MITF: variants seen among roughly 807,000 people sequenced by gnomAD.
The protein encoded by MITF is melanocyte inducing transcription factor.
In MITF, 17 loss-of-function variants were observed where a neutral mutation model predicts 60.5. The observed-to-expected ratio is 0.28, with a 90% CI of 0.19 to 0.42. MITF has a LOEUF of 0.42. Among genes scored for constraint, MITF ranks in the 10% least tolerant of loss-of-function variants. The pLI, the probability that MITF is intolerant of heterozygous loss-of-function variation, is 1.00. For synonymous variants in MITF, 260 were observed against 248.5 expected, an observed-to-expected ratio of 1.05 and a Z score of -0.43; for missense variants, 622 against 683.5, an observed-to-expected ratio of 0.91 and a Z score of 1.00.
intron 2 of MITF, among the ~76,000 whole-genome samples, chr3:69,889,871 C>T (rs1408106327): frequency 6.6e-6 from 1 of 152,112 alleles, no homozygotes; most frequent in East Asian, 1.9e-4. Context: ...GAACAAGCCA[C>T]ATTTCCAGTG....
intron 1 of MITF, among the ~76,000 whole-genome samples, chr3:69,808,735 C>G (rs1312077652): frequency 1.3e-5 from 2 of 152,058 alleles, no homozygotes; most frequent in East Asian, 1.9e-4. Context: ...CATGCAGGAC[C>G]TTGACCTCCC....
intron 1 of MITF, among the ~76,000 whole-genome samples, chr3:69,849,385 G>A (rs1007517637): frequency 3.3e-5 from 5 of 152,170 alleles, no homozygotes; most frequent in Admixed American, 1.3e-4. Flanking sequence ...TGCCATGTTC[G>A]TATCAGGCTC....
intron 1 of MITF, among the ~76,000 whole-genome samples, chr3:69,832,266 C>T (rs889583874): frequency 2.8e-4 from 42 of 152,164 alleles, no homozygotes; most frequent in African/African-American, 9.2e-4. Context: ...TATACCCCCA[C>T]TTAACATCTT....
At chr3:69,767,346 G>A (rs954109187) in intron 1 of MITF, among the ~76,000 whole-genome samples, 2 of 152,150 alleles carry the variant, frequency 1.3e-5, no homozygotes, top group African/African-American at 4.8e-5. Flanking sequence ...CACTTTGGGA[G>A]ACTGAGGTGG....
At chr3:69,946,632 C>G (rs2066103657) in intron 5 of MITF, among the ~76,000 whole-genome samples, 1 of 152,104 alleles carries the variant, frequency 6.6e-6, no homozygotes, top group Admixed American at 6.6e-5. Context: ...AAATATTCTG[C>G]CATGCTTTCT....
At position 69,965,898 on chromosome 3, in the gene MITF, A is replaced by G. The variant is rs1039781846; in HGVS notation, c.*650A>G. 8.7e-6 allele frequency: 2 copies of G among 231,144 alleles called. No homozygotes were observed. Among genetic ancestry groups the G allele is most frequent in the African/African-American group, 4.4e-5 (2 of 45,236 alleles). The allele number at this position is 231,144 out of a possible 1,614,324, so 14.3% of individuals were successfully genotyped here. A position where few individuals can be genotyped will look rare whatever the true frequency, so the allele number is the denominator to read the frequency against. ...AACCGAAACTGAAGGGAGTTAGACC[A>G]AGGCTCTGAAATATAAAGTCTAATC... On this transcript the variant is annotated 3_prime_UTR_variant, in exon 10 of 10. Coordinates refer to ENST00000352241, the MANE Select transcript of MITF (RefSeq NM_001354604.2).
chr3:69,895,624 T>G (rs1360937967), intron 2 of MITF, among the ~76,000 whole-genome samples: 3 of 151,958 alleles, frequency 2.0e-5, no homozygotes, highest in Non-Finnish European at 4.4e-5. Flanking sequence ...TTATTTTCTT[T>G]CCCTTATGAA....
chr3:69,742,708 C>T lies in MITF; in HGVS notation c.104+3007C>T, dbSNP rs189672568. ...TTAAGAACATTAAGTGTGACGTTGA[C>T]TGTGGGAAAGTATTAGCATGGTGCC... On this transcript the variant is annotated intron_variant, in intron 1 of 9. Coordinates refer to ENST00000352241, the MANE Select transcript of MITF (RefSeq NM_001354604.2). 5.7e-4 allele frequency among the ~76,000 whole-genome samples: 87 copies of T among 152,328 alleles called. 1 individual carries two copies. Among genetic ancestry groups the T allele is most frequent in the Non-Finnish European group, 1.9e-4 (13 of 68,030 alleles).
chr3:69,819,567 A>T (rs2063233429), intron 1 of MITF, among the ~76,000 whole-genome samples: 1 of 152,168 alleles, frequency 6.6e-6, no homozygotes, highest in Non-Finnish European at 1.5e-5. Flanking sequence ...TCTCCTGGTA[A>T]TAGCCGTGCC....
intron 1 of MITF, among the ~76,000 whole-genome samples, chr3:69,794,924 A>G (rs2062803877): frequency 6.6e-6 from 1 of 152,216 alleles, no homozygotes; most frequent in African/African-American, 2.4e-5. Flanking sequence ...TCGTACTGGG[A>G]CATGTAACAG....
At chr3:69,862,374 CCA>C (rs1436038906) in intron 1 of MITF, among the ~76,000 whole-genome samples, 2 of 152,058 alleles carry the variant, frequency 1.3e-5, no homozygotes, top group Non-Finnish European at 2.9e-5. Flanking sequence ...AGTTCATGGG[CCA>C]ACATAGGACC....
chr3:69,872,326 A>T (rs1455111403), intron 1 of MITF, among the ~76,000 whole-genome samples: 1 of 152,206 alleles, frequency 6.6e-6, no homozygotes, highest in African/African-American at 2.4e-5. Flanking sequence ...TGGTAAAAAA[A>T]AAATAACCAA....
At chr3:69,897,617 C>T (rs1372201950) in intron 2 of MITF, among the ~76,000 whole-genome samples, 1 of 152,088 alleles carries the variant, frequency 6.6e-6, no homozygotes, top group East Asian at 1.9e-4. Context: ...GACCTTGCGC[C>T]CACAAAGCTG....
At chr3:69,938,073 C>A (rs1250513517) in intron 3 of MITF, 24 bp downstream of exon 3, 2 of 1,600,922 alleles carry the variant, frequency 1.2e-6, no homozygotes, top group Non-Finnish European at 1.7e-6. Flanking sequence ...CCTCTCCTCT[C>A]CTGTTTTCTT....
intron 2 of MITF, among the ~76,000 whole-genome samples, chr3:69,912,364 G>A (rs576666215): frequency 6.6e-6 from 1 of 151,874 alleles, no homozygotes; most frequent in Non-Finnish European, 1.5e-5. Context: ...TTTCATTCTG[G>A]GAGACAGAAC....
chr3:69,764,835 T>C (rs1391664237), intron 1 of MITF, among the ~76,000 whole-genome samples: 1 of 152,246 alleles, frequency 6.6e-6, no homozygotes, highest in Non-Finnish European at 1.5e-5. Context: ...CATTTTCTTG[T>C]TTAGGATCTG....
chr3:69,858,784 A>C (rs2063962684), intron 1 of MITF, among the ~76,000 whole-genome samples: 1 of 152,198 alleles, frequency 6.6e-6, no homozygotes, highest in Non-Finnish European at 1.5e-5. Flanking sequence ...CTCTTAAGAT[A>C]TCAAAATTCA....
intron 2 of MITF, among the ~76,000 whole-genome samples, chr3:69,921,947 A>T (rs2065477052): frequency 6.6e-6 from 1 of 152,024 alleles, no homozygotes; most frequent in African/African-American, 2.4e-5. Context: ...CGGTAGTAGC[A>T]CCCCCTCCTC....
At chr3:69,881,474 A>G (rs115000530) in intron 2 of MITF, among the ~76,000 whole-genome samples, 1 of 152,054 alleles carries the variant, frequency 6.6e-6, no homozygotes, top group South Asian at 2.1e-4. Flanking sequence ...GATTTTATTA[A>G]GACAATATTT....
Sources: gnomAD v4.1 joint callset for allele counts (sites outside exome capture counted in the v4.1 genomes callset) on GRCh38, gnomAD v4.1.1 for gene constraint, MANE v1.5 for transcripts, NCBI Gene and HGNC (gene_info 2026-07-23, HGNC 2026-07-21) for gene names.